Variants in KCND2 observed in about 807,000 individuals in gnomAD.
KCND2 encodes A-type voltage-gated potassium channel KCND2.
Under a neutral mutation model 54.4 loss-of-function variants are expected in KCND2, and 16 were observed. The ratio of observed to expected loss-of-function variants is 0.29; its 90% CI spans 0.20 to 0.45. The LOEUF (loss-of-function observed/expected upper bound fraction) is 0.45. Among genes scored for constraint, KCND2 ranks in the 20% least tolerant of loss-of-function variants. KCND2 has a pLI of 1.00. For synonymous variants in KCND2, 317 were observed against 310.7 expected (o/e 1.02, Z -0.21); for missense variants, 486 against 824.2 (o/e 0.59, Z 5.02).
intron 1 of KCND2, among the ~76,000 whole-genome samples, chr7:120,521,473 A>G (rs1339749094): frequency 6.6e-6 from 1 of 152,070 alleles, no homozygotes; most frequent in Non-Finnish European, 1.5e-5. Context: ...TCAAATTTTA[A>G]TGCATTATTT....
At chr7:120,541,028 T>C (rs528674437) in intron 1 of KCND2, among the ~76,000 whole-genome samples, 31 of 152,314 alleles carry the variant, frequency 2.0e-4, no homozygotes, top group African/African-American at 7.0e-4. Flanking sequence ...AACAATATCA[T>C]TCCTTTATCC....
intron 1 of KCND2, among the ~76,000 whole-genome samples, chr7:120,712,762 C>T (rs1253347532): frequency 1.3e-5 from 2 of 152,064 alleles, no homozygotes; most frequent in Non-Finnish European, 2.9e-5. Context: ...AAATCAGCTA[C>T]AGGTTTCTGA....
intron 1 of KCND2, among the ~76,000 whole-genome samples, chr7:120,349,761 C>T (rs1432097716): frequency 6.6e-6 from 1 of 152,038 alleles, no homozygotes; most frequent in African/African-American, 2.4e-5. Flanking sequence ...GGACTCTGGC[C>T]CCCTTGGATC....
chr7:120,603,783 T>C (rs929270457), intron 1 of KCND2, among the ~76,000 whole-genome samples: 1 of 152,218 alleles, frequency 6.6e-6, no homozygotes, highest in Non-Finnish European at 1.5e-5. Flanking sequence ...ATATTCAGCA[T>C]AGTGATTTAT....
intron 1 of KCND2, among the ~76,000 whole-genome samples, chr7:120,461,231 G>A (rs909379358): frequency 1.3e-5 from 2 of 152,132 alleles, no homozygotes; most frequent in African/African-American, 2.4e-5. Context: ...TGACAGGATC[G>A]CAGATAATTA....
chr7:120,563,132 T>C (rs1365333864), intron 1 of KCND2, among the ~76,000 whole-genome samples: 1 of 152,210 alleles, frequency 6.6e-6, no homozygotes, highest in East Asian at 1.9e-4. Context: ...TTAACGTTTC[T>C]TCTAAAATAG....
intron 1 of KCND2, among the ~76,000 whole-genome samples, chr7:120,297,963 A>C (rs556021381): frequency 3.2e-4 from 49 of 152,204 alleles, no homozygotes; most frequent in Non-Finnish European, 6.5e-4. Flanking sequence ...TGTTCAGTTC[A>C]GTACAGTAGC....
At chr7:120,484,438 A>T (rs1332761340) in intron 1 of KCND2, among the ~76,000 whole-genome samples, 1 of 151,716 alleles carries the variant, frequency 6.6e-6, no homozygotes, top group Non-Finnish European at 1.5e-5. Flanking sequence ...CACAGGGATG[A>T]GCCTCTGTTC....
chr7:120,394,771 A>G (rs1584760479), intron 1 of KCND2, among the ~76,000 whole-genome samples: 2 of 151,952 alleles, frequency 1.3e-5, no homozygotes, highest in South Asian at 2.1e-4. Context: ...GTCATGTTAG[A>G]TTTCTCTCAG....
intron 1 of KCND2, among the ~76,000 whole-genome samples, chr7:120,432,403 T>C (rs894312503): frequency 2.6e-5 from 4 of 152,194 alleles, no homozygotes; most frequent in Non-Finnish European, 5.9e-5. Context: ...ACTGTATTTG[T>C]CTAGCATTGT....
chr7:120,319,594 A>AT (rs2116327783), intron 1 of KCND2, among the ~76,000 whole-genome samples: 1 of 152,252 alleles, frequency 6.6e-6, no homozygotes, highest in Admixed American at 6.5e-5. Flanking sequence ...ACTCTTGCCG[A>AT]TATATCTAAA....
At position 120,273,741 on chromosome 7, in the gene KCND2, A is replaced by G. The variant is rs1562992836; in HGVS notation, c.-892A>G. On this transcript the variant is annotated 5_prime_UTR_variant, in exon 1 of 6. Coordinates refer to ENST00000331113, the MANE Select transcript of KCND2 (RefSeq NM_012281.3). ...GCGAGGAGAAAGTCTCTATGCAACT[A>G]AGCCCCGGCGCGCACTTGGCCAGGT... The G allele has an allele frequency of 1.3e-5, 2 of 152,562 alleles. No individual in the cohort carries two copies. Among genetic ancestry groups the G allele is most frequent in the Non-Finnish European group, 2.9e-5 (2 of 68,046 alleles). The allele number at this position is 152,562 out of a possible 1,614,324, so 9.5% of individuals were successfully genotyped here. A position where few individuals can be genotyped will look rare whatever the true frequency, so the allele number is the denominator to read the frequency against.
intron 1 of KCND2, among the ~76,000 whole-genome samples, chr7:120,709,162 T>C (rs745688447): frequency 9.9e-5 from 15 of 152,090 alleles, no homozygotes; most frequent in Non-Finnish European, 1.8e-4. Context: ...TTAAAGTTAT[T>C]AAAATATAAA....
intron 1 of KCND2, among the ~76,000 whole-genome samples, chr7:120,277,980 ACTG>A (rs1245887472): frequency 8.6e-5 from 13 of 152,008 alleles, no homozygotes; most frequent in Non-Finnish European, 1.9e-4. Context: ...ACTTAGCTTC[ACTG>A]AATTTGAACA....
At chr7:120,382,969 G>A (rs1323833234) in intron 1 of KCND2, among the ~76,000 whole-genome samples, 1 of 151,844 alleles carries the variant, frequency 6.6e-6, no homozygotes, top group Admixed American at 6.6e-5. Flanking sequence ...AAGATCAAAC[G>A]TTCTCATAAT....
chr7:120,424,055 CT>C (rs1191604289), intron 1 of KCND2, among the ~76,000 whole-genome samples: 1 of 152,172 alleles, frequency 6.6e-6, no homozygotes, highest in Non-Finnish European at 1.5e-5. Context: ...CAGAAAATGG[CT>C]AATTACTTTG....
chr7:120,424,824 T>C (rs957354115), intron 1 of KCND2, among the ~76,000 whole-genome samples: 2 of 152,218 alleles, frequency 1.3e-5, no homozygotes, highest in Non-Finnish European at 2.9e-5. Flanking sequence ...TCAAGTTTAG[T>C]CTACCTCTTA....
At chr7:120,504,465 G>A (rs760546257) in intron 1 of KCND2, among the ~76,000 whole-genome samples, 5 of 151,322 alleles carry the variant, frequency 3.3e-5, no homozygotes, top group African/African-American at 4.9e-5. Context: ...GCTTCTTATT[G>A]TAAATACCTA....
At chr7:120,604,522 T>C (rs977016564) in intron 1 of KCND2, among the ~76,000 whole-genome samples, 5 of 125,842 alleles carry the variant, frequency 4.0e-5, no homozygotes, top group South Asian at 4.6e-4. Context: ...ATAATAATAA[T>C]AATAATAATA....
Sources: gnomAD v4.1 joint callset for allele counts (sites outside exome capture counted in the v4.1 genomes callset) on GRCh38, gnomAD v4.1.1 for gene constraint, MANE v1.5 for transcripts, NCBI Gene and HGNC (gene_info 2026-07-23, HGNC 2026-07-21) for gene names.